The following SYN3 variants were observed in gnomAD, a reference collection of about 807,000 sequenced individuals.
SYN3 encodes synapsin III.
Under a neutral mutation model 65.8 loss-of-function variants are expected in SYN3, and 35 were observed. That is an observed-to-expected ratio of 0.53 (90% CI 0.41 to 0.70). The LOEUF (loss-of-function observed/expected upper bound fraction) is 0.70. SYN3 is among the 30% of genes least tolerant of loss of function. The pLI, the probability that SYN3 is intolerant of heterozygous loss-of-function variation, is 0.00. For synonymous variants in SYN3, 270 were observed against 292.9 expected, an observed-to-expected ratio of 0.92 and a Z score of 0.80; for missense variants, 680 against 749.0, an observed-to-expected ratio of 0.91 and a Z score of 1.08.
chr22:32,900,674 T>G (rs2049733785), intron 4 of SYN3, among the ~76,000 whole-genome samples: 1 of 152,208 alleles, frequency 6.6e-6, no homozygotes, highest in Admixed American at 6.5e-5. Flanking sequence ...ACTCCTCACT[T>G]CATCCCCAGT....
intron 7 of SYN3, among the ~76,000 whole-genome samples, chr22:32,556,885 C>T (rs948316136): frequency 2.8e-5 from 4 of 140,622 alleles, no homozygotes; most frequent in Non-Finnish European, 4.5e-5. Context: ...TCTCGAACTC[C>T]TGGCCTCGAA....
chr22:32,612,964 G>A (rs931679293), intron 6 of SYN3, among the ~76,000 whole-genome samples: 2 of 152,178 alleles, frequency 1.3e-5, no homozygotes, highest in Non-Finnish European at 2.9e-5. Context: ...GATCATGGGG[G>A]CAGATTTCTC....
At chr22:32,775,000 C>T (rs1370592994) in intron 6 of SYN3, among the ~76,000 whole-genome samples, 1 of 152,212 alleles carries the variant, frequency 6.6e-6, no homozygotes, top group African/African-American at 2.4e-5. Context: ...CCCCCAGCTT[C>T]CTCCTCTGAC....
intron 7 of SYN3, among the ~76,000 whole-genome samples, chr22:32,588,533 T>C (rs758042060): frequency 6.6e-5 from 10 of 152,214 alleles, no homozygotes; most frequent in Non-Finnish European, 1.2e-4. Flanking sequence ...ATATTTGTAG[T>C]GTGTTTTTAA....
chr22:32,861,781 A>G (rs2048546444), intron 6 of SYN3: 2 of 152,468 alleles, frequency 1.3e-5, no homozygotes, highest in Admixed American at 1.3e-4. Context: ...AGCTTTGTTT[A>G]TTTCACCCGT....
intron 6 of SYN3, among the ~76,000 whole-genome samples, chr22:32,821,151 A>G (rs1414385001): frequency 6.6e-6 from 1 of 152,196 alleles, no homozygotes; most frequent in African/African-American, 2.4e-5. Context: ...CTTAGAGTCA[A>G]AAAAAGCAGA....
intron 7 of SYN3, among the ~76,000 whole-genome samples, chr22:32,579,726 G>A (rs1407636443): frequency 1.3e-5 from 2 of 152,174 alleles, no homozygotes. Flanking sequence ...GTCACTTGCT[G>A]CCAGGGGCCA....
chr22:32,659,056 T>G (rs4821082), intron 6 of SYN3, among the ~76,000 whole-genome samples: 92,454 of 151,946 alleles, frequency 0.61, 28,873 homozygotes, highest in East Asian at 0.99. Flanking sequence ...AGTGATTTCC[T>G]TAAGGTCACA....
chr22:32,913,586 C>A (rs887106338), intron 4 of SYN3, among the ~76,000 whole-genome samples: 1 of 151,876 alleles, frequency 6.6e-6, no homozygotes, highest in Non-Finnish European at 1.5e-5. Context: ...TTGCTGGGCT[C>A]TTAGGGGCAA....
At chr22:32,720,776 G>A (rs2061106760) in intron 6 of SYN3, among the ~76,000 whole-genome samples, 1 of 152,122 alleles carries the variant, frequency 6.6e-6, no homozygotes, top group African/African-American at 2.4e-5. Context: ...TTATTATTAG[G>A]CATTGCCTGA....
intron 3 of SYN3, among the ~76,000 whole-genome samples, chr22:32,934,489 G>A (rs1374743981): frequency 1.3e-5 from 2 of 152,178 alleles, no homozygotes; most frequent in African/African-American, 4.8e-5. Context: ...GCTTCCGTGG[G>A]ATCAAGCAGA....
At chr22:32,640,403 A>C (rs2059878847) in intron 6 of SYN3, among the ~76,000 whole-genome samples, 1 of 152,226 alleles carries the variant, frequency 6.6e-6, no homozygotes. Flanking sequence ...AATCTCATTT[A>C]GATCAAATTC....
At chr22:33,011,517 A>C (rs1166713727) in intron 1 of SYN3, among the ~76,000 whole-genome samples, 1 of 152,152 alleles carries the variant, frequency 6.6e-6, no homozygotes, top group Non-Finnish European at 1.5e-5. Context: ...TGACAAAAAA[A>C]CATTGGTCTG....
intron 4 of SYN3, among the ~76,000 whole-genome samples, chr22:32,929,377 G>A (rs1405924963): frequency 6.6e-6 from 1 of 152,000 alleles, no homozygotes; most frequent in Non-Finnish European, 1.5e-5. Flanking sequence ...AATTTGATAT[G>A]TATAGTTTTT....
chr22:32,998,790 A>AAAAAC (rs1556121744), intron 2 of SYN3, among the ~76,000 whole-genome samples: 2 of 142,122 alleles, frequency 1.4e-5, no homozygotes, highest in African/African-American at 5.0e-5. Context: ...AAAAAAAAAA[A>AAAAAC]AAAAAAAAAC....
chr22:32,551,738 T>C (rs2058418729), intron 7 of SYN3, among the ~76,000 whole-genome samples: 1 of 152,158 alleles, frequency 6.6e-6, no homozygotes, highest in Non-Finnish European at 1.5e-5. Context: ...AAAGAAGCTT[T>C]TGTGTGTTAG....
chr22:32,955,258 G>C (rs9609670), intron 3 of SYN3, among the ~76,000 whole-genome samples: 1 of 152,112 alleles, frequency 6.6e-6, no homozygotes, highest in African/African-American at 2.4e-5. Flanking sequence ...CTAAGCACCA[G>C]ACACTTTGAA....
intron 6 of SYN3, among the ~76,000 whole-genome samples, chr22:32,723,025 G>A (rs1388466776): frequency 6.6e-6 from 1 of 152,196 alleles, no homozygotes; most frequent in African/African-American, 2.4e-5. Flanking sequence ...TTTCATTGAT[G>A]AGAAAATGGA....
intron 6 of SYN3, among the ~76,000 whole-genome samples, chr22:32,670,888 C>T (rs2740992): frequency 1.1e-3 from 173 of 152,228 alleles, no homozygotes; most frequent in Non-Finnish European, 2.1e-3. Flanking sequence ...GGGGGGATTC[C>T]CCCCTTCCTA....
Sources: allele counts gnomAD v4.1 joint callset (sites outside exome capture counted in the v4.1 genomes callset), GRCh38; gene constraint gnomAD v4.1.1; transcripts MANE v1.5; gene names NCBI Gene and HGNC (gene_info 2026-07-23, HGNC 2026-07-21).